ADAMTSL1: variants seen among roughly 807,000 people sequenced by gnomAD.
ADAMTSL1 encodes ADAMTS-like protein 1.
In ADAMTSL1, 126 loss-of-function variants were observed where a neutral mutation model predicts 201.8. The ratio of observed to expected loss-of-function variants is 0.62; its 90% CI spans 0.54 to 0.72. ADAMTSL1 has a LOEUF of 0.72. Ranked by LOEUF, ADAMTSL1 falls within the 30% of genes least tolerant of loss-of-function variation. The pLI is 0.00. For missense variants in ADAMTSL1, 2,679 were observed against 2,277.8 expected (o/e 1.18, Z -3.59); for synonymous variants, 1,121 against 903.4 (o/e 1.24, Z -4.32).
chr9:18,810,273 T>G (rs1320115100), intron 20 of ADAMTSL1, among the ~76,000 whole-genome samples: 4 of 152,204 alleles, frequency 2.6e-5, no homozygotes. Flanking sequence ...AGCCTATGCA[T>G]GCATTCCAAG....
chr9:18,024,317 T>C (rs575159763), intron 1 of ADAMTSL1, among the ~76,000 whole-genome samples: 1 of 152,196 alleles, frequency 6.6e-6, no homozygotes, highest in Non-Finnish European at 1.5e-5. Flanking sequence ...TGCTAAATGG[T>C]ATATTGTGTG....
chr9:18,460,495 T>C (rs1820769704), intron 2 of ADAMTSL1, among the ~76,000 whole-genome samples: 1 of 152,062 alleles, frequency 6.6e-6, no homozygotes, highest in African/African-American at 2.4e-5. Context: ...CACTCAAAAG[T>C]GAAGCAGACG....
chr9:18,279,670 G>T (rs749218209), intron 2 of ADAMTSL1, among the ~76,000 whole-genome samples: 28 of 152,186 alleles, frequency 1.8e-4, no homozygotes, highest in Non-Finnish European at 3.2e-4. Context: ...TCAAAATACA[G>T]CTGACCCTTG....
intron 20 of ADAMTSL1, among the ~76,000 whole-genome samples, chr9:18,804,939 T>C (rs1242974413): frequency 2.0e-5 from 3 of 152,236 alleles, no homozygotes; most frequent in Non-Finnish European, 2.9e-5. Flanking sequence ...GTGTTAAATT[T>C]ATAATACTTC....
intron 5 of ADAMTSL1, among the ~76,000 whole-genome samples, chr9:18,633,800 A>T (rs1289510104): frequency 6.6e-6 from 1 of 152,158 alleles, no homozygotes; most frequent in Non-Finnish European, 1.5e-5. Context: ...AACTTTGTAG[A>T]GAACTCGATA....
chr9:17,969,576 C>T (rs2840789), intron 1 of ADAMTSL1, among the ~76,000 whole-genome samples: 89,663 of 151,494 alleles, frequency 0.59, 27,075 homozygotes, highest in East Asian at 0.91. Flanking sequence ...AAAATGATCA[C>T]GAGCACTGCT....
chr9:18,493,521 A>G (rs547085862), intron 1 of ADAMTSL1, among the ~76,000 whole-genome samples: 1 of 152,306 alleles, frequency 6.6e-6, no homozygotes, highest in East Asian at 1.9e-4. Flanking sequence ...ACTCAGTGAC[A>G]GGCTCCCTTT....
At chr9:18,554,235 C>A (rs1820969224) in intron 3 of ADAMTSL1, among the ~76,000 whole-genome samples, 1 of 151,534 alleles carries the variant, frequency 6.6e-6, no homozygotes, top group Non-Finnish European at 1.5e-5. Context: ...TAAAAATGTC[C>A]ATAAGCATGT....
At chr9:17,950,583 T>G (rs1236476580) in intron 1 of ADAMTSL1, among the ~76,000 whole-genome samples, 1 of 151,848 alleles carries the variant, frequency 6.6e-6, no homozygotes, top group African/African-American at 2.4e-5. Flanking sequence ...ATATTTTATG[T>G]CACACTATAC....
At chr9:18,640,994 C>T (rs1379004928) in intron 7 of ADAMTSL1, among the ~76,000 whole-genome samples, 1 of 152,036 alleles carries the variant, frequency 6.6e-6, no homozygotes, top group Non-Finnish European at 1.5e-5. Context: ...TCCATAGCCA[C>T]AGTATCTGCT....
At chr9:18,411,794 A>C (rs1248190562) in intron 2 of ADAMTSL1, among the ~76,000 whole-genome samples, 1 of 152,184 alleles carries the variant, frequency 6.6e-6, no homozygotes, top group Non-Finnish European at 1.5e-5. Context: ...ACTGGTAGGC[A>C]CTTTTAGAAT....
intron 1 of ADAMTSL1, among the ~76,000 whole-genome samples, chr9:18,001,391 A>G (rs776327418): frequency 9.2e-5 from 14 of 151,506 alleles, no homozygotes; most frequent in Non-Finnish European, 1.8e-4. Flanking sequence ...AGAGATTGGA[A>G]CTGGTCCAAG....
intron 1 of ADAMTSL1, among the ~76,000 whole-genome samples, chr9:17,913,033 C>T (rs1449849626): frequency 6.6e-6 from 1 of 152,106 alleles, no homozygotes; most frequent in Non-Finnish European, 1.5e-5. Context: ...CTGTTCTGTT[C>T]TGTTCTGTTT....
chr9:18,674,795 A>G (rs180960680), intron 9 of ADAMTSL1, among the ~76,000 whole-genome samples: 1 of 152,292 alleles, frequency 6.6e-6, no homozygotes, highest in East Asian at 1.9e-4. Flanking sequence ...CAGTTGCAAA[A>G]TAAGCATCTT....
At chr9:18,865,269 C>G (rs1197303075) in intron 23 of ADAMTSL1, among the ~76,000 whole-genome samples, 1 of 152,122 alleles carries the variant, frequency 6.6e-6, no homozygotes, top group Admixed American at 6.5e-5. Flanking sequence ...CAATTCCCAC[C>G]TATGAGTGAA....
At chr9:18,768,250 C>T (rs114577749) in intron 16 of ADAMTSL1, among the ~76,000 whole-genome samples, 1,726 of 152,272 alleles carry the variant, frequency 0.011, 34 homozygotes, top group African/African-American at 0.039. Flanking sequence ...CATGAAGCAA[C>T]GGTCACACTA....
chr9:18,643,287 T>A (rs1019796805), intron 7 of ADAMTSL1, among the ~76,000 whole-genome samples: 2 of 152,064 alleles, frequency 1.3e-5, no homozygotes, highest in Non-Finnish European at 2.9e-5. Flanking sequence ...TGCTATTGAG[T>A]TGTTTGAGTT....
intron 1 of ADAMTSL1, among the ~76,000 whole-genome samples, chr9:18,146,345 C>A (rs954583522): frequency 1.3e-5 from 2 of 151,960 alleles, no homozygotes; most frequent in African/African-American, 4.8e-5. Flanking sequence ...CGCAAGAAAC[C>A]AAAATATCCT....
intron 8 of ADAMTSL1, among the ~76,000 whole-genome samples, chr9:18,659,474 C>A (rs1828922276): frequency 6.6e-6 from 1 of 152,176 alleles, no homozygotes; most frequent in Admixed American, 6.5e-5. Flanking sequence ...GATAGAAAAT[C>A]ATTTAGCTGG....
Sources: allele counts gnomAD v4.1 joint callset (sites outside exome capture counted in the v4.1 genomes callset), GRCh38; gene constraint gnomAD v4.1.1; transcripts MANE v1.5; gene names NCBI Gene and HGNC (gene_info 2026-07-23, HGNC 2026-07-21).